The following TBC1D22A variants were observed in gnomAD, a reference collection of about 807,000 sequenced individuals.
TBC1D22A encodes putative GTPase activator.
TBC1D22A carries 38 observed loss-of-function variants against 60.2 expected under a neutral mutation model. The ratio of observed to expected loss-of-function variants is 0.63; its 90% CI spans 0.49 to 0.83. TBC1D22A has a LOEUF of 0.83. Ranked by LOEUF, TBC1D22A falls within the 40% of genes least tolerant of loss-of-function variation. The pLI is 0.00. For missense variants in TBC1D22A, 628 were observed against 701.0 expected, an observed-to-expected ratio of 0.90 and a Z score of 1.18; for synonymous variants, 302 against 281.7, an observed-to-expected ratio of 1.07 and a Z score of -0.72.
At chr22:46,964,348 G>A (rs1214813194) in intron 8 of TBC1D22A, among the ~76,000 whole-genome samples, 2 of 152,088 alleles carry the variant, frequency 1.3e-5, no homozygotes, top group East Asian at 1.9e-4. Context: ...CCCCTCTGGC[G>A]CTCCCCCACC....
chr22:46,932,132 C>T (rs1259780871), intron 8 of TBC1D22A, among the ~76,000 whole-genome samples: 1 of 152,234 alleles, frequency 6.6e-6, no homozygotes, highest in East Asian at 1.9e-4. Context: ...AAGACTCTGT[C>T]AGTGAAGACG....
chr22:46,841,044 A>G (rs1208793931), intron 4 of TBC1D22A, among the ~76,000 whole-genome samples: 2 of 54,042 alleles, frequency 3.7e-5, no homozygotes, highest in African/African-American at 5.3e-5. Flanking sequence ...AGTAATGAAA[A>G]TGGGTGTGTG....
At chr22:47,088,827 C>T (rs970255390) in intron 11 of TBC1D22A, among the ~76,000 whole-genome samples, 1 of 152,230 alleles carries the variant, frequency 6.6e-6, no homozygotes, top group African/African-American at 2.4e-5. Flanking sequence ...AGACCCCAGA[C>T]ATTTCACACC....
chr22:46,898,434 T>G, intron 7 of TBC1D22A, among the ~76,000 whole-genome samples: 1 of 152,138 alleles, frequency 6.6e-6, no homozygotes, highest in Admixed American at 6.5e-5. Flanking sequence ...GGCTCCAAAT[T>G]TAAAGGGGAC....
chr22:46,912,467 TA>T (rs1216419067), intron 8 of TBC1D22A, among the ~76,000 whole-genome samples: 1 of 152,242 alleles, frequency 6.6e-6, no homozygotes, highest in East Asian at 1.9e-4. Context: ...TAGTTTATTC[TA>T]AAGGCCATCA....
At chr22:46,815,707 G>T (rs1057094736) in intron 4 of TBC1D22A, among the ~76,000 whole-genome samples, 1 of 152,212 alleles carries the variant, frequency 6.6e-6, no homozygotes, top group African/African-American at 2.4e-5. Context: ...TTTGTGAGTG[G>T]TGCTCCCTGC....
intron 12 of TBC1D22A, among the ~76,000 whole-genome samples, chr22:47,161,265 T>C (rs951889344): frequency 6.6e-6 from 1 of 152,116 alleles, no homozygotes; most frequent in African/African-American, 2.4e-5. Context: ...GGAGGACAGC[T>C]ATTTTCCCTC....
chr22:46,883,747 C>T (rs567340003), intron 5 of TBC1D22A, among the ~76,000 whole-genome samples: 1 of 152,322 alleles, frequency 6.6e-6, no homozygotes, highest in African/African-American at 2.4e-5. Flanking sequence ...GGCACACAGG[C>T]CTTCTCTCCT....
chr22:47,151,486 A>C (rs918408289), intron 12 of TBC1D22A, among the ~76,000 whole-genome samples: 2 of 152,258 alleles, frequency 1.3e-5, no homozygotes, highest in Non-Finnish European at 2.9e-5. Context: ...CTATGAAATC[A>C]ACTTGAAAAT....
At chr22:46,804,150 C>T (rs2085027766) in intron 4 of TBC1D22A, among the ~76,000 whole-genome samples, 1 of 152,164 alleles carries the variant, frequency 6.6e-6, no homozygotes, top group African/African-American at 2.4e-5. Context: ...TGCGTTTTCC[C>T]CCCGTGGCTT....
intron 10 of TBC1D22A, among the ~76,000 whole-genome samples, chr22:47,032,168 T>C (rs968174648): frequency 3.3e-5 from 5 of 152,184 alleles, no homozygotes; most frequent in African/African-American, 9.6e-5. Flanking sequence ...GCTCCTCTTC[T>C]GCGTGTGACT....
intron 1 of TBC1D22A, among the ~76,000 whole-genome samples, chr22:46,778,622 T>C (rs989263763): frequency 9.2e-5 from 14 of 152,188 alleles, no homozygotes; most frequent in African/African-American, 3.4e-4. Context: ...TCATCTTCCA[T>C]GATAACATTG....
At chr22:47,004,171 T>C (rs970183831) in intron 10 of TBC1D22A, among the ~76,000 whole-genome samples, 1 of 145,776 alleles carries the variant, frequency 6.9e-6, no homozygotes, top group African/African-American at 2.6e-5. Context: ...CACACACCCC[T>C]GCACACATGC....
intron 10 of TBC1D22A, among the ~76,000 whole-genome samples, chr22:47,018,162 C>G (rs2061965513): frequency 6.6e-6 from 1 of 152,274 alleles, no homozygotes; most frequent in Admixed American, 6.5e-5. Context: ...TCCTGCTTCC[C>G]CTGCGTCAGT....
chr22:47,060,640 C>G (rs2063541814), intron 11 of TBC1D22A, among the ~76,000 whole-genome samples: 1 of 152,146 alleles, frequency 6.6e-6, no homozygotes, highest in African/African-American at 2.4e-5. Context: ...CTGTGTTGGT[C>G]AGGCTGGTCT....
At chr22:47,125,475 C>T (rs946713986) in intron 12 of TBC1D22A, among the ~76,000 whole-genome samples, 26 of 152,332 alleles carry the variant, frequency 1.7e-4, no homozygotes, top group Non-Finnish European at 3.5e-4. Context: ...TTATACCCCT[C>T]ATTATGATAA....
intron 4 of TBC1D22A, among the ~76,000 whole-genome samples, chr22:46,801,515 C>T (rs2084895458): frequency 6.6e-6 from 1 of 152,242 alleles, no homozygotes; most frequent in Non-Finnish European, 1.5e-5. Context: ...TTACTCTTAG[C>T]ATTGGCTCAA....
chr22:46,946,000 G>A (rs1337970004), intron 8 of TBC1D22A, among the ~76,000 whole-genome samples: 1 of 152,228 alleles, frequency 6.6e-6, no homozygotes, highest in Non-Finnish European at 1.5e-5. Context: ...GACATTCTGT[G>A]TAATTCTCAC....
chr22:46,916,555 G>A (rs975593576), intron 8 of TBC1D22A, among the ~76,000 whole-genome samples: 20 of 152,300 alleles, frequency 1.3e-4, no homozygotes, highest in African/African-American at 3.4e-4. Context: ...ACGTGCACGC[G>A]GACATACATA....
Sources: allele counts gnomAD v4.1 joint callset (sites outside exome capture counted in the v4.1 genomes callset), GRCh38; gene constraint gnomAD v4.1.1; transcripts MANE v1.5; gene names NCBI Gene and HGNC (gene_info 2026-07-23, HGNC 2026-07-21).